The following LRRC37A2 variants were observed in gnomAD, a reference collection of about 807,000 sequenced individuals.
LRRC37A2 encodes the protein leucine rich repeat containing 37 member A2, also known as leucine-rich repeat-containing protein 37A2.
A neutral mutation model predicts 68.8 loss-of-function variants in LRRC37A2; 9 were observed. The observed-to-expected ratio is 0.13, with a 90% CI of 0.08 to 0.23. The LOEUF (loss-of-function observed/expected upper bound fraction) is 0.23. Ranked by LOEUF, LRRC37A2 falls within the 10% of genes least tolerant of loss-of-function variation. The pLI, the probability that LRRC37A2 is intolerant of heterozygous loss-of-function variation, is 1.00. For synonymous variants in LRRC37A2, 63 were observed against 367.6 expected, an observed-to-expected ratio of 0.17 and a Z score of 9.48; for missense variants, 168 against 950.4, an observed-to-expected ratio of 0.18 and a Z score of 10.82.
the LRRC37A2 span, among the ~76,000 whole-genome samples, chr17:46,839,616 T>C: frequency 0.21 from 32,488 of 152,164 alleles, 4,177 homozygotes; most frequent in East Asian, 0.5. Flanking sequence ...ATGTGCCATG[T>C]TGATGTGCTG....
At chr17:46,838,603 G>T in the LRRC37A2 span, among the ~76,000 whole-genome samples, 1 of 151,894 alleles carries the variant, frequency 6.6e-6, no homozygotes, top group Non-Finnish European at 1.5e-5. Context: ...CTCCAGCCTG[G>T]GCGACAGAGC....
chr17:46,863,947 G>A, the LRRC37A2 span, among the ~76,000 whole-genome samples: 3 of 152,190 alleles, frequency 2.0e-5, no homozygotes, highest in African/African-American at 7.2e-5. Context: ...GGCGAAGGGT[G>A]TGGGCCATCC....
At chr17:46,876,821 T>A in the LRRC37A2 span, 1 of 1,441,184 alleles carries the variant, frequency 6.9e-7, no homozygotes, top group South Asian at 1.5e-5. Context: ...CATGCATGCA[T>A]AAACCGGCAT....
At chr17:46,897,256 G>T in the LRRC37A2 span, among the ~76,000 whole-genome samples, 1 of 152,150 alleles carries the variant, frequency 6.6e-6, no homozygotes, top group Admixed American at 6.5e-5. Flanking sequence ...GAACTGTGGA[G>T]CCTCCATCAG....
the LRRC37A2 span, among the ~76,000 whole-genome samples, chr17:46,866,788 A>G: frequency 6.6e-6 from 1 of 152,026 alleles, no homozygotes; most frequent in Non-Finnish European, 1.5e-5. Context: ...GTCCTGTGCC[A>G]CCCACCCACC....
chr17:46,776,160 G>T, the LRRC37A2 span, among the ~76,000 whole-genome samples: 1 of 152,234 alleles, frequency 6.6e-6, no homozygotes, highest in Non-Finnish European at 1.5e-5. Context: ...GCCCATGGGG[G>T]TCATCACTAT....
the LRRC37A2 span, chr17:46,774,022 G>T: frequency 1.4e-6 from 2 of 1,451,890 alleles, no homozygotes; most frequent in Non-Finnish European, 9.3e-7. Flanking sequence ...GAGGGCCTGT[G>T]CCCTGGCACC....
chr17:46,871,147 G>A, the LRRC37A2 span, among the ~76,000 whole-genome samples: 1 of 151,884 alleles, frequency 6.6e-6, no homozygotes, highest in Non-Finnish European at 1.5e-5. Flanking sequence ...GGACTCAAGC[G>A]ATCCACCTGC....
chr17:47,020,099 A>G, the LRRC37A2 span, among the ~76,000 whole-genome samples: 1 of 150,878 alleles, frequency 6.6e-6, no homozygotes, highest in Non-Finnish European at 1.5e-5. Context: ...TCTTTACAGC[A>G]GCCTGTCCCT....
At chr17:46,861,514 G>T in the LRRC37A2 span, among the ~76,000 whole-genome samples, 1 of 152,190 alleles carries the variant, frequency 6.6e-6, no homozygotes, top group Non-Finnish European at 1.5e-5. Context: ...CCAACTGGGA[G>T]CCATGGCCTG....
the LRRC37A2 span, among the ~76,000 whole-genome samples, chr17:46,983,289 C>CTTTTT: frequency 6.6e-4 from 51 of 76,832 alleles, no homozygotes; most frequent in Non-Finnish European, 8.3e-4. Flanking sequence ...GCCCTTTCTT[C>CTTTTT]TTTTTTTTTT....
chr17:46,832,695 C>T, the LRRC37A2 span: 6 of 152,410 alleles, frequency 3.9e-5, no homozygotes, highest in Admixed American at 6.5e-5. Flanking sequence ...ATTGAGCTGC[C>T]GAGCAATGGA....
the LRRC37A2 span, chr17:46,875,047 C>T: frequency 6.2e-7 from 1 of 1,613,164 alleles, no homozygotes; most frequent in Non-Finnish European, 8.5e-7. Context: ...AAGCTTCCTC[C>T]TTTCCTCTCT....
At chr17:46,993,009 T>C in the LRRC37A2 span, among the ~76,000 whole-genome samples, 1 of 103,738 alleles carries the variant, frequency 9.6e-6, no homozygotes, top group Admixed American at 9.6e-5. Flanking sequence ...GACTCACATG[T>C]ATGAAAATAT....
chr17:46,970,208 A>C, the LRRC37A2 span, among the ~76,000 whole-genome samples: 2 of 152,166 alleles, frequency 1.3e-5, no homozygotes, highest in Non-Finnish European at 2.9e-5. Flanking sequence ...AAACAGGTAC[A>C]GCTTCCATCC....
At chr17:46,612,303 T>C in the LRRC37A2 span, among the ~76,000 whole-genome samples, 2 of 56,162 alleles carry the variant, frequency 3.6e-5, no homozygotes, top group Non-Finnish European at 6.3e-5. Flanking sequence ...TGTAAAATGA[T>C]GCAGCTACTG....
the LRRC37A2 span, among the ~76,000 whole-genome samples, chr17:46,816,115 ACACACACACACACACT>A: frequency 1.4e-3 from 38 of 26,372 alleles, no homozygotes; most frequent in Middle Eastern, 0.017. Context: ...GCGCACGTAC[ACACACACACACACACT>A]CACACACACG....
chr17:46,979,241 G>C, the LRRC37A2 span: 6 of 406,244 alleles, frequency 1.5e-5, no homozygotes, highest in South Asian at 8.2e-5. Flanking sequence ...GCTGGAGCCG[G>C]AGAACCTAGT....
At chr17:46,954,468 G>A in the LRRC37A2 span, among the ~76,000 whole-genome samples, 3 of 152,200 alleles carry the variant, frequency 2.0e-5, no homozygotes, top group African/African-American at 7.2e-5. Context: ...ATCAGGCAGT[G>A]TGATGCCTCC....
Sources: gnomAD v4.1 joint callset for allele counts (sites outside exome capture counted in the v4.1 genomes callset) on GRCh38, gnomAD v4.1.1 for gene constraint, MANE v1.5 for transcripts, NCBI Gene and HGNC (gene_info 2026-07-23, HGNC 2026-07-21) for gene names.